Variants in GCN1 observed in about 807,000 individuals in gnomAD.
The protein encoded by GCN1 is GCN1 activator of EIF2AK4, also known as stalled ribosome sensor GCN1.
In GCN1, 90 loss-of-function variants were observed where a neutral mutation model predicts 288.4. The ratio of observed to expected loss-of-function variants is 0.31; its 90% CI spans 0.26 to 0.37. GCN1 has a LOEUF of 0.37. Ranked by LOEUF, GCN1 falls within the 10% of genes least tolerant of loss-of-function variation. The probability of loss-of-function intolerance (pLI) is 1.00; values close to 1 mark genes in which losing one functional copy is unlikely to be tolerated. For missense variants in GCN1, 2,586 were observed against 3,419.9 expected (o/e 0.76, Z 6.08); for synonymous variants, 1,386 against 1,420.2 (o/e 0.98, Z 0.54).
intron 5 of GCN1, among the ~76,000 whole-genome samples, chr12:120,180,561 C>T (rs1167510051): frequency 6.6e-6 from 1 of 151,668 alleles, no homozygotes; most frequent in Non-Finnish European, 1.5e-5. Context: ...GACGAGATAG[C>T]GCCACTGCAC....
chr12:120,154,176 T>C (rs778085969), intron 31 of GCN1, among the ~76,000 whole-genome samples: 2 of 152,146 alleles, frequency 1.3e-5, no homozygotes, highest in Non-Finnish European at 2.9e-5. Context: ...GGAATGTGAG[T>C]GCAATGCTCA....
chr12:120,170,314 C>CCCTGGCA lies in GCN1; in HGVS notation c.1373_1374insTGCCAGG (p.Leu459AlafsTer32). 6.2e-7 allele frequency: 1 copy of CCCTGGCA among 1,613,990 alleles called. No homozygotes were observed. The highest frequency in any genetic ancestry group is 8.5e-7 in the Non-Finnish European group (1 of 1,179,854). On this transcript the variant is annotated frameshift_variant, in exon 15 of 58. Transcript: ENST00000300648. LOFTEE classifies it high-confidence loss of function. ...GCAGTAAGTCCAGGGCCTGCAACAG[C>CCCTGGCA]GTGTCACCTGTGGAGAGAGGACAAG...
rs756328387 is a variant in GCN1 at position 120,131,298 on chromosome 12, C to G, written c.7450G>C (p.Gly2484Arg). 6.2e-7 allele frequency: 1 copy of G among 1,613,972 alleles called. No homozygotes were observed. The highest frequency in any genetic ancestry group is 1.1e-5 in the South Asian group (1 of 91,088). The change falls in exon 55 of 58, where the codon GGG (glycine) becomes CGG (arginine). Residue 2484 changes from glycine to arginine, a missense_variant. Coordinates refer to ENST00000300648, the MANE Select transcript of GCN1 (RefSeq NM_006836.2). ...GCCACGGAAAGTGCCAGGCTCCGCC[C>G]GTGCCGAACCATCCAGTCAATGCCG... Reference protein sequence around the residue: ...VSGIDWMVRHGRSLALSVAVN... With the variant: ...VSGIDWMVRHRRSLALSVAVN...
chr12:120,178,985 G>C (rs1878566099), intron 5 of GCN1, 35 bp from the exon 6 acceptor site: 2 of 1,556,722 alleles, frequency 1.3e-6, no homozygotes, highest in Non-Finnish European at 1.8e-6. Context: ...GTCAAGGTGG[G>C]ACATGAGACT....
At chr12:120,152,176 T>A (rs1466083195) in intron 33 of GCN1, among the ~76,000 whole-genome samples, 1 of 152,004 alleles carries the variant, frequency 6.6e-6, no homozygotes, top group Non-Finnish European at 1.5e-5. Context: ...AACACAGGCA[T>A]GGCCTCCACC....
chr12:120,168,415 G>A (rs927003957), intron 15 of GCN1, 115 bp from the exon 16 acceptor site: 3 of 720,244 alleles, frequency 4.2e-6, no homozygotes, highest in Non-Finnish European at 7.6e-6. Context: ...CTCTGCAGCA[G>A]GAGGCTCAGT....
intron 1 of GCN1, among the ~76,000 whole-genome samples, chr12:120,192,253 G>A (rs568550881): frequency 6.6e-6 from 1 of 152,270 alleles, no homozygotes; most frequent in Non-Finnish European, 1.5e-5. Flanking sequence ...CTCTCCCAGA[G>A]TTTTCTGACC....
intron 35 of GCN1, 59 bp from the exon 36 acceptor site, chr12:120,149,779 G>T: frequency 6.5e-7 from 1 of 1,538,974 alleles, no homozygotes; most frequent in South Asian, 1.1e-5. Flanking sequence ...GGCAAGGCCT[G>T]ACACCAGTCC....
chr12:120,129,428 C>A lies in GCN1; in HGVS notation c.7738G>T (p.Asp2580Tyr). ...TGGGGGTCCAGGGGAGGCAGTGGGTCCTTATTTGCCCACCAGATCATCTTC... is the reference window on the plus strand; with the variant it reads ...TGGGGGTCCAGGGGAGGCAGTGGGTACTTATTTGCCCACCAGATCATCTTC... ...AEKMIWWANKDPLPPLDPQAI... is the reference protein window; with the variant it reads ...AEKMIWWANKYPLPPLDPQAI... The change falls in exon 57 of 58, where the codon GAC (aspartate) becomes TAC (tyrosine). Residue 2580 changes from aspartate to tyrosine, a missense_variant. This residue lies in a region of GCN1 where 355 missense variants were observed against 431.1 expected (regional missense o/e 0.82). Coordinates refer to ENST00000300648, the MANE Select transcript of GCN1 (RefSeq NM_006836.2). 6.2e-7 allele frequency: 1 copy of A among 1,613,988 alleles called. No individual in the cohort carries two copies. Among genetic ancestry groups the A allele is most frequent in the Non-Finnish European group, 8.5e-7 (1 of 1,179,880 alleles).
At chr12:120,176,919 A>T (rs1878498324) in intron 9 of GCN1, among the ~76,000 whole-genome samples, 1 of 152,120 alleles carries the variant, frequency 6.6e-6, no homozygotes, top group African/African-American at 2.4e-5. Context: ...GGCATGTGCC[A>T]CCACGCCTAA....
At chr12:120,138,115 G>T in intron 47 of GCN1, 71 bp from the exon 48 acceptor site, 1 of 1,446,780 alleles carries the variant, frequency 6.9e-7, no homozygotes. Flanking sequence ...GGAACAGACG[G>T]GTGGGCAAGA....
Position 120,155,907 on chromosome 12 carries a change from A to G in GCN1, c.3313-188T>C, listed in dbSNP as rs543727675. Among the ~76,000 whole-genome samples, 1 of 152,338 alleles carries G rather than the reference A, an allele frequency of 6.6e-6. No individual in the cohort carries two copies. The highest frequency in any genetic ancestry group is 1.9e-4 in the East Asian group (1 of 5,194). On this transcript the variant is annotated intron_variant, in intron 28 of 57. Coordinates refer to ENST00000300648, the MANE Select transcript of GCN1 (RefSeq NM_006836.2). This position sits in a 1 kb window ranked among gnomAD's most constrained non-coding sequence, Gnocchi z 4.9. Reference sequence around the variant, plus strand: ...TGTGAGGTGGTAAAATGTTTTTTTAATGTGAAAATTAAAACGTTAAATAAA... The same window carrying G: ...TGTGAGGTGGTAAAATGTTTTTTTAGTGTGAAAATTAAAACGTTAAATAAA...
intron 44 of GCN1, among the ~76,000 whole-genome samples, chr12:120,141,566 C>T (rs1877197405): frequency 6.6e-6 from 1 of 152,244 alleles, no homozygotes; most frequent in African/African-American, 2.4e-5. Flanking sequence ...GCCAGCGCGC[C>T]AGCCTGATCT....
In GCN1 at chr12:120,137,623, C is replaced by G. The variant is rs368250800; in HGVS notation, c.6585G>C (p.Ser2195=). 6.2e-7 allele frequency: 1 copy of G among 1,614,172 alleles called. No individual in the cohort carries two copies. ...AGTCATTGAAGAGGCGGATCAGGCC[C>G]GAGACCAGGCTCCGCAGGTGGCTGG... ...DYTSHLRSLV[S]GLIRLFNDSS... Residue 2195 remains serine (S), a synonymous_variant, in exon 49 of 58, where the codon TCG becomes TCC. Coordinates refer to ENST00000300648, the MANE Select transcript of GCN1 (RefSeq NM_006836.2). This position sits in a 1 kb window ranked among gnomAD's most constrained non-coding sequence, Gnocchi z 5.2.
intron 2 of GCN1, among the ~76,000 whole-genome samples, chr12:120,186,333 C>T (rs1878819635): frequency 6.6e-6 from 1 of 151,748 alleles, no homozygotes; most frequent in East Asian, 1.9e-4. Context: ...AGAGATGGCG[C>T]CACTGCACTC....
Position 120,127,800 on chromosome 12 carries a change from A to C in GCN1, c.*49T>G, listed in dbSNP as rs1341215118. 7 of 1,587,076 alleles carry C rather than the reference A, an allele frequency of 4.4e-6. No individual in the cohort carries two copies. The highest frequency in any genetic ancestry group is 6.0e-6 in the Non-Finnish European group (7 of 1,162,632). ...AACAAATGTATTTTCAAAAATGAAA[A>C]CATTGAGCAAAGATGTGGAGCGGCA... On this transcript the variant is annotated 3_prime_UTR_variant, in exon 58 of 58. Coordinates refer to ENST00000300648, the MANE Select transcript of GCN1 (RefSeq NM_006836.2).
chr12:120,137,903 G>A lies in GCN1; in HGVS notation c.6391C>T (p.Leu2131=), dbSNP rs993200809. The change falls in exon 48 of 58, where the codon CTG becomes TTG. Residue 2131 remains leucine, a splice_region_variant and synonymous_variant. Coordinates refer to ENST00000300648, the MANE Select transcript of GCN1 (RefSeq NM_006836.2). The surrounding 1 kb of genome is among the most constrained non-coding windows in gnomAD (Gnocchi z 5.2). ...GCAGGAGCAGGCTCGCCCCTTACCAGCTGCTCATCTGGGGTCCCAAGCTTT... is the reference window on the plus strand; with the variant it reads ...GCAGGAGCAGGCTCGCCCCTTACCAACTGCTCATCTGGGGTCCCAAGCTTT... ...KEKLGTPDEQ[L]EMANCQAVIL... 3 of 1,614,052 alleles carry A rather than the reference G, an allele frequency of 1.9e-6. No homozygotes were observed. In the African/African-American group the frequency reaches 4.0e-5, roughly 22 times the overall value.
At chr12:120,186,335 A>C (rs1212908691) in intron 2 of GCN1, among the ~76,000 whole-genome samples, 1 of 151,922 alleles carries the variant, frequency 6.6e-6, no homozygotes, top group Non-Finnish European at 1.5e-5. Context: ...AGATGGCGCC[A>C]CTGCACTCCA....
At chr12:120,187,213 CTT>C (rs869025899) in intron 2 of GCN1, among the ~76,000 whole-genome samples, 34 of 135,146 alleles carry the variant, frequency 2.5e-4, no homozygotes, top group Non-Finnish European at 1.6e-4. Flanking sequence ...CCATGATTTT[CTT>C]TTTTTTTTTT....
Sources: gnomAD v4.1 joint callset for allele counts (sites outside exome capture counted in the v4.1 genomes callset) on GRCh38, gnomAD v4.1.1 for gene constraint, gnomAD v4.1.1 regional missense constraint, Gnocchi (gnomAD v3.1) non-coding constraint, MANE v1.5 for transcripts, NCBI Gene and HGNC (gene_info 2026-07-23, HGNC 2026-07-21) for gene names.